CCSER1: variants seen among roughly 807,000 people sequenced by gnomAD.
The protein encoded by CCSER1 is coiled-coil serine rich protein 1.
A neutral mutation model predicts 82.0 loss-of-function variants in CCSER1; 41 were observed. The observed-to-expected ratio is 0.50, with a 90% CI of 0.39 to 0.65. The LOEUF is 0.65. Among genes scored for constraint, CCSER1 ranks in the 30% least tolerant of loss-of-function variants. The pLI is 0.00. For synonymous variants in CCSER1, 414 were observed against 383.9 expected, an observed-to-expected ratio of 1.08 and a Z score of -0.92; for missense variants, 1,119 against 1,064.2, an observed-to-expected ratio of 1.05 and a Z score of -0.72.
At position 91,601,828 on chromosome 4, in the gene CCSER1, T is replaced by G. The variant is rs1764829800; in HGVS notation, c.*2771T>G. 6.6e-6 allele frequency: 1 copy of G among 152,080 alleles called. No individual in the cohort carries two copies. The highest frequency in any genetic ancestry group is 1.5e-5 in the Non-Finnish European group (1 of 67,954). The allele number at this position is 152,080 out of a possible 1,614,324, so 9.4% of individuals were successfully genotyped here. A position where few individuals can be genotyped will look rare whatever the true frequency, so the allele number is the denominator to read the frequency against. Reference sequence around the variant, plus strand: ...TTAGAATGTGTTTTAAAGGAACACTTAGGAAGAGAAATACCTTGAAGAAAA... The same window carrying G: ...TTAGAATGTGTTTTAAAGGAACACTGAGGAAGAGAAATACCTTGAAGAAAA... On this transcript the variant is annotated 3_prime_UTR_variant, in exon 11 of 11. Coordinates refer to ENST00000509176, the MANE Select transcript of CCSER1 (RefSeq NM_001145065.2).
At chr4:91,214,999 A>C (rs186909239) in intron 10 of CCSER1, among the ~76,000 whole-genome samples, 10 of 152,142 alleles carry the variant, frequency 6.6e-5, no homozygotes, top group Admixed American at 6.5e-4. Flanking sequence ...ATGAATATTG[A>C]TTTAATAAAG....
chr4:90,605,302 G>A (rs11734689), intron 5 of CCSER1, among the ~76,000 whole-genome samples: 67,781 of 152,042 alleles, frequency 0.45, 17,505 homozygotes, highest in African/African-American at 0.72. Context: ...TGGACACATC[G>A]GGATTGGCAC....
intron 10 of CCSER1, among the ~76,000 whole-genome samples, chr4:91,452,420 T>G (rs2149421030): frequency 6.6e-6 from 1 of 152,138 alleles, no homozygotes; most frequent in South Asian, 2.1e-4. Flanking sequence ...ATAAGGCTAA[T>G]TTGTATTGGG....
chr4:90,771,936 TC>T (rs1459028601), intron 7 of CCSER1, among the ~76,000 whole-genome samples: 2 of 152,124 alleles, frequency 1.3e-5, no homozygotes, highest in African/African-American at 4.8e-5. Context: ...ATAAATTTTG[TC>T]TATATGGATA....
At chr4:90,729,751 C>T (rs2149397441) in intron 7 of CCSER1, among the ~76,000 whole-genome samples, 1 of 152,178 alleles carries the variant, frequency 6.6e-6, no homozygotes, top group East Asian at 1.9e-4. Context: ...TTGTGGGCTC[C>T]TGTAGTCCCA....
intron 10 of CCSER1, among the ~76,000 whole-genome samples, chr4:91,286,688 A>G (rs1263974714): frequency 1.3e-5 from 2 of 151,772 alleles, no homozygotes; most frequent in South Asian, 4.1e-4. Context: ...ATTGTTTTCC[A>G]TTTTGTGACC....
intron 10 of CCSER1, among the ~76,000 whole-genome samples, chr4:91,457,215 G>A (rs370647166): frequency 1.3e-5 from 2 of 152,052 alleles, no homozygotes; most frequent in Admixed American, 1.3e-4. Context: ...AAGAACATGA[G>A]TAAATTATAC....
intron 1 of CCSER1, among the ~76,000 whole-genome samples, chr4:90,237,040 C>T (rs1221900503): frequency 2.0e-5 from 3 of 152,082 alleles, no homozygotes; most frequent in Admixed American, 6.6e-5. Context: ...TTATATTTTG[C>T]GAGCTACATG....
At chr4:90,681,852 G>A (rs9307091) in intron 6 of CCSER1, among the ~76,000 whole-genome samples, 152,161 of 152,164 alleles carry the variant, frequency 1, 76,079 homozygotes, top group Middle Eastern at 1. Context: ...TCAGAAAAAT[G>A]GTAAATTTTT....
chr4:90,666,414 G>C (rs548455140), intron 6 of CCSER1, among the ~76,000 whole-genome samples: 47 of 152,284 alleles, frequency 3.1e-4, no homozygotes, highest in Admixed American at 2.0e-3. Context: ...TCAGTGAACT[G>C]AGTGGCTAAC....
At chr4:90,380,116 A>G (rs562459298) in intron 3 of CCSER1, among the ~76,000 whole-genome samples, 2 of 152,300 alleles carry the variant, frequency 1.3e-5, no homozygotes, top group African/African-American at 4.8e-5. Context: ...TTACGATTCA[A>G]CATGAGATTT....
In CCSER1 at chr4:90,932,938, GAAAGAAAGAAA is replaced by G; in HGVS notation, c.2172+9492_2172+9502del. Among the ~76,000 whole-genome samples the G allele has an allele frequency of 7.1e-5, 2 of 28,244 alleles. 1 individual carries two copies. The highest frequency in any genetic ancestry group is 5.6e-4 in the African/African-American group (2 of 3,550). 18.5% of individuals were successfully genotyped at this position (28,244 alleles called of 152,430 possible). ...AGAAAGAAAGAAAGAAAGAAAGAAA[GAAAGAAAGAAA>G]GAAAGAAAGAAAGAAAGAAAGAAAG... On this transcript the variant is annotated intron_variant, in intron 9 of 10. Coordinates refer to ENST00000509176, the MANE Select transcript of CCSER1 (RefSeq NM_001145065.2).
chr4:91,180,601 A>G (rs1004868479), intron 10 of CCSER1, among the ~76,000 whole-genome samples: 4 of 152,198 alleles, frequency 2.6e-5, no homozygotes, highest in Admixed American at 6.5e-5. Context: ...GCTTGGGACC[A>G]TCTGAGCCAG....
intron 8 of CCSER1, among the ~76,000 whole-genome samples, chr4:90,826,379 T>G (rs1760449202): frequency 6.6e-6 from 1 of 152,126 alleles, no homozygotes; most frequent in Admixed American, 6.6e-5. Flanking sequence ...AATTTGAAAG[T>G]CAGTCTGAGC....
intron 1 of CCSER1, among the ~76,000 whole-genome samples, chr4:90,184,314 C>T (rs913998541): frequency 2.6e-5 from 4 of 152,036 alleles, no homozygotes; most frequent in African/African-American, 9.7e-5. Flanking sequence ...GTCAGCAGCC[C>T]CTGTTGGGAG....
chr4:90,144,887 T>G (rs914995374), intron 1 of CCSER1, among the ~76,000 whole-genome samples: 1 of 152,152 alleles, frequency 6.6e-6, no homozygotes, highest in African/African-American at 2.4e-5. Context: ...ACTATTAATC[T>G]GTTATTATGT....
At chr4:90,945,272 G>A (rs1200116946) in intron 9 of CCSER1, among the ~76,000 whole-genome samples, 1 of 151,974 alleles carries the variant, frequency 6.6e-6, no homozygotes, top group Non-Finnish European at 1.5e-5. Context: ...TAAATTAGAG[G>A]TATTTTTTAA....
intron 10 of CCSER1, among the ~76,000 whole-genome samples, chr4:91,303,548 G>T (rs893312083): frequency 2.0e-5 from 3 of 152,032 alleles, no homozygotes; most frequent in South Asian, 2.1e-4. Flanking sequence ...CACTTTGGGA[G>T]GCTGAAGTGG....
chr4:90,856,347 A>C (rs2149960661), intron 8 of CCSER1, among the ~76,000 whole-genome samples: 1 of 152,288 alleles, frequency 6.6e-6, no homozygotes, highest in East Asian at 1.9e-4. Context: ...AATATATAGA[A>C]AGTAACATTC....
Sources: gnomAD v4.1 joint callset for allele counts (sites outside exome capture counted in the v4.1 genomes callset) on GRCh38, gnomAD v4.1.1 for gene constraint, MANE v1.5 for transcripts, NCBI Gene and HGNC (gene_info 2026-07-23, HGNC 2026-07-21) for gene names.